POU6F2: variants seen among roughly 807,000 people sequenced by gnomAD.
POU6F2 encodes the protein POU class 6 homeobox 2, also known as POU domain, class 6, transcription factor 2.
In POU6F2, 31 loss-of-function variants were observed where a neutral mutation model predicts 71.3. That is an observed-to-expected ratio of 0.43 (90% CI 0.33 to 0.59). The LOEUF (loss-of-function observed/expected upper bound fraction) is 0.59. Ranked by LOEUF, POU6F2 falls within the 20% of genes least tolerant of loss-of-function variation. The pLI is 0.04. For synonymous variants in POU6F2, 347 were observed against 355.7 expected (o/e 0.98, Z 0.27); for missense variants, 783 against 856.8 (o/e 0.91, Z 1.07).
intron 4 of POU6F2, among the ~76,000 whole-genome samples, chr7:39,249,304 T>C (rs1186598623): frequency 6.6e-6 from 1 of 152,232 alleles, no homozygotes; most frequent in African/African-American, 2.4e-5. Context: ...ACTTAACAGA[T>C]GCTATTAGCA....
rs188322185 is a variant in POU6F2 at position 39,377,137 on chromosome 7, A to G, written c.973-29463A>G. The stretch of plus-strand genomic sequence containing the variant: ...ATATTAAATATATTTATAATTATAT[A>G]TATATTTTTTTGAGATGGAGTCTCA... On this transcript the variant is annotated intron_variant, in intron 5 of 9. Coordinates refer to ENST00000518318, the MANE Select transcript of POU6F2 (RefSeq NM_001370959.1). 1.9e-3 allele frequency among the ~76,000 whole-genome samples: 289 copies of G among 149,458 alleles called. 1 individual carries two copies. Among genetic ancestry groups the G allele is most frequent in the African/African-American group, 6.6e-3 (273 of 41,076 alleles).
chr7:39,464,186 A>G lies in POU6F2; in HGVS notation c.1663A>G (p.Thr555Ala), dbSNP rs758207842. ...TTTCTCAATTTTCCCCCCCAGACAC[A>G]CCATCCTGAGAAGCCACTTTTTCCT... ...AYSQSAICRH[T>A]ILRSHFFLPQ... The change falls in exon 10 of 10, where the codon ACC (threonine) becomes GCC (alanine). Residue 555 changes from threonine to alanine, a missense_variant. Thr to Ala is a moderately conservative substitution (Grantham distance 58, BLOSUM62 0). Transcript: ENST00000518318. The surrounding 1 kb of genome is among the most constrained non-coding windows in gnomAD (Gnocchi z 4.1). 2 of 1,613,348 alleles carry G rather than the reference A, an allele frequency of 1.2e-6. No individual in the cohort carries two copies. Among genetic ancestry groups the G allele is most frequent in the Non-Finnish European group, 1.7e-6 (2 of 1,179,436 alleles).
chr7:39,126,502 G>A (rs866232011), intron 2 of POU6F2, among the ~76,000 whole-genome samples: 10 of 152,206 alleles, frequency 6.6e-5, no homozygotes, highest in African/African-American at 1.7e-4. Context: ...AGTTAAGTAC[G>A]TGTTGTGAGT....
chr7:39,081,950 T>C (rs2128720079), intron 1 of POU6F2, among the ~76,000 whole-genome samples: 1 of 152,328 alleles, frequency 6.6e-6, no homozygotes, highest in South Asian at 2.1e-4. Flanking sequence ...CTGCGTGCCT[T>C]TGGGGCAAGA....
In POU6F2 at chr7:39,398,283, T is replaced by A. The variant is rs1370444929; in HGVS notation, c.973-8317T>A. Among the ~76,000 whole-genome samples, 5 of 151,206 alleles carry A rather than the reference T, an allele frequency of 3.3e-5. No homozygotes were observed. In the Admixed American group the frequency reaches 3.3e-4, roughly 10 times the overall value. On this transcript the variant is annotated intron_variant, in intron 5 of 9. Coordinates refer to ENST00000518318, the MANE Select transcript of POU6F2 (RefSeq NM_001370959.1). Reference sequence around the variant, plus strand: ...GAAAGAGGATAAACAAGTAAGTGAATAATATAATATCAGACTCTAATAAGT... The same window carrying A: ...GAAAGAGGATAAACAAGTAAGTGAAAAATATAATATCAGACTCTAATAAGT...
intron 1 of POU6F2, among the ~76,000 whole-genome samples, chr7:39,004,329 G>C (rs932184726): frequency 2.6e-5 from 4 of 152,162 alleles, no homozygotes; most frequent in African/African-American, 9.7e-5. Context: ...TGAGTATTAG[G>C]CACATTTGAT....
At chr7:39,257,028 T>C (rs2128753713) in intron 4 of POU6F2, among the ~76,000 whole-genome samples, 1 of 152,328 alleles carries the variant, frequency 6.6e-6, no homozygotes, top group South Asian at 2.1e-4. Context: ...ATAGCACATG[T>C]ATACCTAAAA....
intron 4 of POU6F2, among the ~76,000 whole-genome samples, chr7:39,238,718 G>T (rs568394093): frequency 1.3e-5 from 2 of 152,152 alleles, no homozygotes; most frequent in African/African-American, 2.4e-5. Context: ...TGGATCTGAG[G>T]TAGATACTGA....
chr7:39,302,998 A>G (rs886502218), intron 4 of POU6F2, among the ~76,000 whole-genome samples: 1 of 152,218 alleles, frequency 6.6e-6, no homozygotes, highest in Non-Finnish European at 1.5e-5. Flanking sequence ...CTGAAAATTT[A>G]CATTTCTACT....
intron 6 of POU6F2, among the ~76,000 whole-genome samples, chr7:39,430,523 T>A (rs1297189436): frequency 6.6e-6 from 1 of 152,180 alleles, no homozygotes; most frequent in Admixed American, 6.5e-5. Context: ...GAAAGTGAGG[T>A]TGTGCTTAAG....
Position 39,299,787 on chromosome 7 carries a change from C to T in POU6F2, c.599-39855C>T, listed in dbSNP as rs570267866. ...AAGGGCCTTTGCTGATGTCAAGGTC[C>T]CTCAGGCAGGAAAGGCTCGGGAGAA... On this transcript the variant is annotated intron_variant, in intron 4 of 9. Transcript: ENST00000518318. Among the ~76,000 whole-genome samples, 27 of 152,266 alleles carry T rather than the reference C, an allele frequency of 1.8e-4. No homozygotes were observed. In the East Asian group the frequency reaches 5.2e-3, roughly 29 times the overall value.
At chr7:39,146,750 C>G (rs141804763) in intron 2 of POU6F2, among the ~76,000 whole-genome samples, 1 of 152,044 alleles carries the variant, frequency 6.6e-6, no homozygotes, top group African/African-American at 2.4e-5. Context: ...TGATTCTCAT[C>G]GAGGCACAGG....
chr7:39,463,788 C>T (rs118142705), intron 9 of POU6F2, among the ~76,000 whole-genome samples: 2,027 of 152,316 alleles, frequency 0.013, 13 homozygotes, highest in South Asian at 0.02. Flanking sequence ...TGACAACTGT[C>T]ATCTTTGATG....
In POU6F2 at chr7:39,244,954, T is replaced by A. The variant is rs531835815; in HGVS notation, c.598+37334T>A. ...CACGAATACTCCAAATGGCCTTTAA[T>A]ATTTCCAGAGGGATATGAGAAATCT... On this transcript the variant is annotated intron_variant, in intron 4 of 9. Transcript: ENST00000518318. 2.6e-5 allele frequency among the ~76,000 whole-genome samples: 4 copies of A among 152,330 alleles called. No homozygotes were observed. The South Asian group carries it at 8.3e-4, about 32-fold the overall frequency.
intron 4 of POU6F2, among the ~76,000 whole-genome samples, chr7:39,260,274 TAC>T (rs1784107676): frequency 8.4e-6 from 1 of 119,500 alleles, no homozygotes; most frequent in Admixed American, 8.6e-5. Context: ...ATACCATGCA[TAC>T]ACCACACACA....
intron 1 of POU6F2, among the ~76,000 whole-genome samples, chr7:38,988,875 G>T (rs894569016): frequency 6.6e-6 from 1 of 152,114 alleles, no homozygotes; most frequent in Non-Finnish European, 1.5e-5. Flanking sequence ...CCTGTGGAAA[G>T]TGTCATCTCT....
chr7:39,450,084 G>T (rs2116111138), intron 7 of POU6F2, among the ~76,000 whole-genome samples: 1 of 152,234 alleles, frequency 6.6e-6, no homozygotes, highest in South Asian at 2.1e-4. Flanking sequence ...GTTTAAAATG[G>T]GTTTATTTTA....
At chr7:39,016,015 T>TGTATATTG (rs376501299) in intron 1 of POU6F2, among the ~76,000 whole-genome samples, 2,293 of 28,178 alleles carry the variant, frequency 0.081, 431 homozygotes, top group African/African-American at 0.31. Context: ...TATTATATAT[T>TGTATATTG]ATATATATTA....
rs532738303 is a variant in POU6F2 at position 39,239,015 on chromosome 7, G to A, written c.598+31395G>A. ...TCAGAGTAGGGAGGGAAACCTCTGG[G>A]CTGTTGAAGCATTCTATACCTCCAT... On this transcript the variant is annotated intron_variant, in intron 4 of 9. Coordinates refer to ENST00000518318, the MANE Select transcript of POU6F2 (RefSeq NM_001370959.1). Among the ~76,000 whole-genome samples the A allele has an allele frequency of 2.0e-5, 3 of 152,248 alleles. No individual in the cohort carries two copies. In the East Asian group the frequency reaches 5.8e-4, roughly 29 times the overall value.
Sources: allele counts gnomAD v4.1 joint callset (sites outside exome capture counted in the v4.1 genomes callset), GRCh38; gene constraint gnomAD v4.1.1; non-coding constraint Gnocchi (gnomAD v3.1); transcripts MANE v1.5; gene names NCBI Gene and HGNC (gene_info 2026-07-23, HGNC 2026-07-21).